Variants in MCC observed in about 807,000 individuals in gnomAD.
The protein encoded by MCC is colorectal mutant cancer protein.
Under a neutral mutation model 116.2 loss-of-function variants are expected in MCC, and 90 were observed. That is an observed-to-expected ratio of 0.77 (90% CI 0.65 to 0.92). The LOEUF is 0.92. Among genes scored for constraint, MCC ranks in the 40% least tolerant of loss-of-function variants. The pLI is 0.00. For synonymous variants in MCC, 578 were observed against 510.5 expected (o/e 1.13, Z -1.78); for missense variants, 1,516 against 1,312.2 (o/e 1.16, Z -2.40).
intron 1 of MCC, among the ~76,000 whole-genome samples, chr5:113,406,955 C>T (rs773634393): frequency 2.0e-5 from 3 of 152,086 alleles, no homozygotes; most frequent in Non-Finnish European, 4.4e-5. Context: ...TCAATTGTAG[C>T]AGAATAGATA....
At chr5:113,081,897 G>C (rs1357618278) in intron 11 of MCC, among the ~76,000 whole-genome samples, 4 of 152,232 alleles carry the variant, frequency 2.6e-5, no homozygotes, top group Non-Finnish European at 5.9e-5. Context: ...AGCAACAGCG[G>C]ATGGGGAACG....
chr5:113,078,437 C>T (rs994798551), intron 11 of MCC, among the ~76,000 whole-genome samples: 2 of 152,152 alleles, frequency 1.3e-5, no homozygotes, highest in African/African-American at 4.8e-5. Context: ...AATCCAGCAG[C>T]ACATCAAAAA....
At chr5:113,042,474 C>CAA (rs5870523) in intron 17 of MCC, among the ~76,000 whole-genome samples, 129 of 68,262 alleles carry the variant, frequency 1.9e-3, no homozygotes, top group Admixed American at 3.4e-3. Flanking sequence ...GACCCTCTCT[C>CAA]AAAAAAAAAA....
At chr5:113,055,431 T>A (rs894995275) in intron 14 of MCC, among the ~76,000 whole-genome samples, 3 of 152,174 alleles carry the variant, frequency 2.0e-5, no homozygotes, top group African/African-American at 4.8e-5. Flanking sequence ...GACACATTGC[T>A]ACGAAGACAA....
chr5:113,157,761 G>A (rs1229414626), intron 3 of MCC, among the ~76,000 whole-genome samples: 4 of 152,200 alleles, frequency 2.6e-5, no homozygotes, highest in Non-Finnish European at 5.9e-5. Flanking sequence ...TGCAGTGGAC[G>A]CCTGAAACCT....
intron 14 of MCC, among the ~76,000 whole-genome samples, chr5:113,058,036 TCTTTC>T (rs996339536): frequency 6.6e-6 from 1 of 152,204 alleles, no homozygotes; most frequent in East Asian, 1.9e-4. Context: ...ACACCTCTAG[TCTTTC>T]CTTTCATTAA....
At chr5:113,384,555 G>A (rs1017301307) in intron 2 of MCC, among the ~76,000 whole-genome samples, 6 of 152,106 alleles carry the variant, frequency 3.9e-5, no homozygotes, top group South Asian at 2.1e-4. Flanking sequence ...GCCACTGCAC[G>A]CCAGCCTGGG....
chr5:113,452,314 T>C (rs765268171), intron 1 of MCC, among the ~76,000 whole-genome samples: 8 of 152,230 alleles, frequency 5.3e-5, no homozygotes, highest in Non-Finnish European at 8.8e-5. Flanking sequence ...TATGCTGTGG[T>C]CTCAGTGTTT....
intron 1 of MCC, among the ~76,000 whole-genome samples, chr5:113,442,941 C>T (rs1387763844): frequency 7.2e-5 from 11 of 152,162 alleles, no homozygotes; most frequent in African/African-American, 2.7e-4. Flanking sequence ...GTGATGCCTC[C>T]AGCTTTGTTC....
chr5:113,147,333 C>G (rs1350482930), intron 4 of MCC, among the ~76,000 whole-genome samples: 2 of 152,164 alleles, frequency 1.3e-5, no homozygotes, highest in African/African-American at 2.4e-5. Context: ...GGCCTGAGAA[C>G]TTGAGCCCCT....
chr5:113,189,635 G>T (rs1581226739), intron 3 of MCC, among the ~76,000 whole-genome samples: 1 of 152,156 alleles, frequency 6.6e-6, no homozygotes, highest in Non-Finnish European at 1.5e-5. Flanking sequence ...AAATAAAAGT[G>T]AATCAACTGA....
At chr5:113,439,313 G>A (rs6879800) in intron 1 of MCC, among the ~76,000 whole-genome samples, 28,341 of 151,920 alleles carry the variant, frequency 0.19, 3,137 homozygotes, top group Admixed American at 0.31. Context: ...ATTTCAAGTG[G>A]CTCACAAAGG....
chr5:113,361,615 A>G (rs1768550136), intron 2 of MCC, among the ~76,000 whole-genome samples: 1 of 152,222 alleles, frequency 6.6e-6, no homozygotes, highest in South Asian at 2.1e-4. Context: ...ATACCCAGAT[A>G]GCTGGTAAAA....
chr5:113,024,502 C>G lies in MCC; in HGVS notation c.*2800G>C, dbSNP rs1750390024. 3 of 152,094 alleles carry G rather than the reference C, an allele frequency of 2.0e-5. No homozygotes were observed. In the South Asian group the frequency reaches 6.2e-4, roughly 32 times the overall value. The allele number at this position is 152,094 out of a possible 1,614,324, so 9.4% of individuals were successfully genotyped here. ...TGAAATGGGTCCTTTGGCTCTGTGC[C>G]CATTTCTTCAAAAGCCAAAGACTGA... On this transcript the variant is annotated 3_prime_UTR_variant, in exon 19 of 19. Coordinates refer to ENST00000408903, the MANE Select transcript of MCC (RefSeq NM_001085377.2).
intron 2 of MCC, among the ~76,000 whole-genome samples, chr5:113,345,298 C>T (rs924216968): frequency 2.0e-5 from 3 of 152,096 alleles, no homozygotes; most frequent in Non-Finnish European, 2.9e-5. Flanking sequence ...CCCTGGCTCC[C>T]AGACAGCATT....
intron 4 of MCC, 98 bp from the exon 5 acceptor site, chr5:113,143,458 C>A (rs1297135319): frequency 1.3e-5 from 17 of 1,263,636 alleles, no homozygotes; most frequent in Non-Finnish European, 1.8e-5. Flanking sequence ...CAACTGCCAA[C>A]ACTGAGTATG....
chr5:113,167,078 G>T (rs1216670226), intron 3 of MCC, among the ~76,000 whole-genome samples: 1 of 152,180 alleles, frequency 6.6e-6, no homozygotes, highest in African/African-American at 2.4e-5. Context: ...CTGCCTGGGA[G>T]TTTGGTCGGC....
At chr5:113,132,382 A>ATG (rs1758487950) in intron 5 of MCC, among the ~76,000 whole-genome samples, 1 of 126,416 alleles carries the variant, frequency 7.9e-6, no homozygotes, top group African/African-American at 2.8e-5. Flanking sequence ...GTATATATAT[A>ATG]CATACATATA....
Position 113,082,841 on chromosome 5 carries a change from C to G in MCC, c.1784+19G>C. The G allele has an allele frequency of 6.2e-7, 1 of 1,610,966 alleles. No individual in the cohort carries two copies. Among genetic ancestry groups the G allele is most frequent in the Non-Finnish European group, 8.5e-7 (1 of 1,178,574 alleles). On this transcript the variant is annotated intron_variant, in intron 11 of 18. Transcript: ENST00000408903. ...CCTCCTCCCTGCCCCACAATCAAAT[C>G]GATACGATCTCTCCTCACCTATTCA...
Sources: gnomAD v4.1 joint callset for allele counts (sites outside exome capture counted in the v4.1 genomes callset) on GRCh38, gnomAD v4.1.1 for gene constraint, MANE v1.5 for transcripts, NCBI Gene and HGNC (gene_info 2026-07-23, HGNC 2026-07-21) for gene names.